PHACTR3: variants seen among roughly 807,000 people sequenced by gnomAD.
PHACTR3 encodes the protein protein phosphatase 1, regulatory subunit 123.
PHACTR3 carries 16 observed loss-of-function variants against 66.8 expected under a neutral mutation model. That is an observed-to-expected ratio of 0.24 (90% CI 0.16 to 0.36). PHACTR3 has a LOEUF of 0.36. PHACTR3 is among the 10% of genes least tolerant of loss of function. PHACTR3 has a pLI of 1.00. For missense variants in PHACTR3, 647 were observed against 719.9 expected, an observed-to-expected ratio of 0.90 and a Z score of 1.16; for synonymous variants, 323 against 292.1, an observed-to-expected ratio of 1.11 and a Z score of -1.08.
chr20:59,666,225 G>A (rs73915041), intron 1 of PHACTR3, among the ~76,000 whole-genome samples: 6,758 of 152,262 alleles, frequency 0.044, 271 homozygotes, highest in East Asian at 0.12. Flanking sequence ...GCTCCAGGCA[G>A]ACCTAGGCAT....
At chr20:59,833,571 G>A (rs943765162) in intron 8 of PHACTR3, among the ~76,000 whole-genome samples, 5 of 152,050 alleles carry the variant, frequency 3.3e-5, no homozygotes, top group Admixed American at 2.6e-4. Context: ...AGCCTTGTTC[G>A]GGGGCCATGC....
At chr20:59,782,410 C>G (rs1407779085) in intron 7 of PHACTR3, among the ~76,000 whole-genome samples, 1 of 152,094 alleles carries the variant, frequency 6.6e-6, no homozygotes, top group African/African-American at 2.4e-5. Context: ...TACCACCATG[C>G]CTGGCTAATT....
chr20:59,832,970 T>C (rs574223617), intron 8 of PHACTR3, among the ~76,000 whole-genome samples: 1 of 152,314 alleles, frequency 6.6e-6, no homozygotes, highest in South Asian at 2.1e-4. Flanking sequence ...AGGGGTCTTC[T>C]TGCTCACCTC....
At chr20:59,670,762 G>A (rs1239127846) in intron 1 of PHACTR3, among the ~76,000 whole-genome samples, 5 of 152,166 alleles carry the variant, frequency 3.3e-5, no homozygotes, top group Non-Finnish European at 7.3e-5. Flanking sequence ...CCTGCTCCAT[G>A]TTCCATCTTC....
At chr20:59,809,211 G>A (rs1230230148) in intron 8 of PHACTR3, among the ~76,000 whole-genome samples, 3 of 152,156 alleles carry the variant, frequency 2.0e-5, no homozygotes, top group Non-Finnish European at 4.4e-5. Flanking sequence ...AAGCAGGTGA[G>A]GCCGGCCCGG....
chr20:59,785,496 C>A (rs1370437047), intron 7 of PHACTR3, among the ~76,000 whole-genome samples: 1 of 152,174 alleles, frequency 6.6e-6, no homozygotes, highest in African/African-American at 2.4e-5. Context: ...GAGAAACTGG[C>A]AGGAGCTGGG....
At chr20:59,704,620 C>T (rs376813186) in intron 1 of PHACTR3, among the ~76,000 whole-genome samples, 9 of 144,320 alleles carry the variant, frequency 6.2e-5, no homozygotes, top group African/African-American at 1.8e-4. Flanking sequence ...ATAGTATTCC[C>T]ATTTTTTACA....
intron 1 of PHACTR3, among the ~76,000 whole-genome samples, chr20:59,722,477 G>A (rs1005666433): frequency 2.0e-5 from 3 of 152,156 alleles, no homozygotes; most frequent in African/African-American, 7.2e-5. Context: ...CTGGAATGGA[G>A]GGAGCATGAT....
At chr20:59,715,710 T>C (rs2426822) in intron 1 of PHACTR3, among the ~76,000 whole-genome samples, 85,598 of 151,940 alleles carry the variant, frequency 0.56, 26,006 homozygotes, top group South Asian at 0.73. Flanking sequence ...CTTGAGAGCT[T>C]GGAGGAATTT....
At chr20:59,826,997 C>T (rs1600726335) in intron 8 of PHACTR3, among the ~76,000 whole-genome samples, 3 of 152,078 alleles carry the variant, frequency 2.0e-5, no homozygotes, top group East Asian at 1.9e-4. Context: ...TCCCTTCTCT[C>T]CTTCCCTCCC....
chr20:59,826,084 A>G (rs577166495), intron 8 of PHACTR3, among the ~76,000 whole-genome samples: 2 of 152,128 alleles, frequency 1.3e-5, no homozygotes, highest in South Asian at 2.1e-4. Flanking sequence ...TGTTGTTTAT[A>G]AGACACTGAG....
intron 4 of PHACTR3, among the ~76,000 whole-genome samples, chr20:59,764,145 T>C (rs1448641116): frequency 6.6e-6 from 1 of 152,118 alleles, no homozygotes; most frequent in African/African-American, 2.4e-5. Flanking sequence ...AGTCAGTGCT[T>C]ATCTAGTGAA....
At position 59,808,472 on chromosome 20, in the gene PHACTR3, G is replaced by A. The variant is rs2041634746; in HGVS notation, c.1328+2278G>A. Among the ~76,000 whole-genome samples, 3 of 152,366 alleles carry A rather than the reference G, an allele frequency of 2.0e-5. No homozygotes were observed. The South Asian group carries it at 6.2e-4, about 32-fold the overall frequency. ...ACATCTCCTGCCCACCCTGTGAGGT[G>A]TGAGTCAGTCTGTGTAGGGCTGGGC... On this transcript the variant is annotated intron_variant, in intron 8 of 12. Transcript: ENST00000371015.
At chr20:59,751,122 C>T (rs965846627) in intron 3 of PHACTR3, among the ~76,000 whole-genome samples, 4 of 152,182 alleles carry the variant, frequency 2.6e-5, no homozygotes, top group Non-Finnish European at 5.9e-5. Flanking sequence ...CACGCAGTGC[C>T]GCCGCCTCTG....
intron 1 of PHACTR3, among the ~76,000 whole-genome samples, chr20:59,636,615 C>G (rs2034910263): frequency 6.6e-6 from 1 of 152,128 alleles, no homozygotes; most frequent in South Asian, 2.1e-4. Flanking sequence ...GTTATGTGAC[C>G]TCTCAGAGCC....
intron 5 of PHACTR3, among the ~76,000 whole-genome samples, chr20:59,771,664 C>T (rs2040366451): frequency 4.6e-5 from 7 of 152,150 alleles, no homozygotes. Flanking sequence ...CAATCATCTG[C>T]TCTCTTTCTG....
intron 1 of PHACTR3, among the ~76,000 whole-genome samples, chr20:59,664,357 C>G (rs190182414): frequency 2.6e-5 from 4 of 152,286 alleles, no homozygotes; most frequent in African/African-American, 9.6e-5. Context: ...GGCTCTTCCT[C>G]CAAAGTGAAC....
chr20:59,768,530 C>T (rs748391960), intron 5 of PHACTR3, among the ~76,000 whole-genome samples: 5 of 152,212 alleles, frequency 3.3e-5, no homozygotes, highest in Admixed American at 1.3e-4. Flanking sequence ...TGCTACCACA[C>T]GTGTGGCCAG....
At chr20:59,708,184 G>C (rs929584568) in intron 1 of PHACTR3, among the ~76,000 whole-genome samples, 3 of 152,292 alleles carry the variant, frequency 2.0e-5, no homozygotes, top group Non-Finnish European at 4.4e-5. Context: ...CCAAGCCAAT[G>C]GACTGCTGAT....
Sources: gnomAD v4.1 joint callset for allele counts (sites outside exome capture counted in the v4.1 genomes callset) on GRCh38, gnomAD v4.1.1 for gene constraint, MANE v1.5 for transcripts, NCBI Gene and HGNC (gene_info 2026-07-23, HGNC 2026-07-21) for gene names.